Variants in ATP6V1C2 observed in about 807,000 individuals in gnomAD.
The protein encoded by ATP6V1C2 is ATPase H+ transporting V1 subunit C2, also known as V-type proton ATPase subunit C 2.
ATP6V1C2 carries 45 observed loss-of-function variants against 56.8 expected under a neutral mutation model. That is an observed-to-expected ratio of 0.79 (90% CI 0.62 to 1.02). ATP6V1C2 has a LOEUF of 1.02. Among genes scored for constraint, ATP6V1C2 ranks in the 50% least tolerant of loss-of-function variants. The pLI is 0.00. For missense variants in ATP6V1C2, 463 were observed against 519.7 expected, an observed-to-expected ratio of 0.89 and a Z score of 1.06; for synonymous variants, 220 against 201.3, an observed-to-expected ratio of 1.09 and a Z score of -0.79.
intron 3 of ATP6V1C2, among the ~76,000 whole-genome samples, chr2:10,728,619 A>G (rs1661778493): frequency 6.6e-6 from 1 of 152,086 alleles, no homozygotes; most frequent in African/African-American, 2.4e-5. Context: ...TATTAAAAAT[A>G]CAAAACATTA....
At chr2:10,764,949 C>A (rs935798083) in intron 5 of ATP6V1C2, among the ~76,000 whole-genome samples, 1 of 150,176 alleles carries the variant, frequency 6.7e-6, no homozygotes, top group Non-Finnish European at 1.5e-5. Flanking sequence ...CCAGCTTGGG[C>A]AACAGAATGA....
chr2:10,761,767 C>T (rs1309690749), intron 4 of ATP6V1C2, among the ~76,000 whole-genome samples: 2 of 152,214 alleles, frequency 1.3e-5, no homozygotes, highest in Non-Finnish European at 2.9e-5. Context: ...TATATGGCCT[C>T]GAATCCTATT....
intron 2 of ATP6V1C2, among the ~76,000 whole-genome samples, chr2:10,724,653 G>A (rs909252117): frequency 2.7e-5 from 4 of 150,100 alleles, no homozygotes; most frequent in Non-Finnish European, 5.9e-5. Flanking sequence ...GAGATATTCA[G>A]GCTTCATCAT....
At chr2:10,729,584 C>T (rs560822307) in intron 3 of ATP6V1C2, among the ~76,000 whole-genome samples, 5 of 152,116 alleles carry the variant, frequency 3.3e-5, no homozygotes, top group South Asian at 2.1e-4. Flanking sequence ...GGCTGGGTGC[C>T]GTGGTTCACG....
At chr2:10,738,378 C>G (rs1174449496) in intron 3 of ATP6V1C2, among the ~76,000 whole-genome samples, 1 of 152,170 alleles carries the variant, frequency 6.6e-6, no homozygotes, top group Non-Finnish European at 1.5e-5. Flanking sequence ...AGAAGTCCAG[C>G]CAGCAGGGGA....
intron 2 of ATP6V1C2, among the ~76,000 whole-genome samples, chr2:10,723,824 C>T (rs1156517012): frequency 1.6e-5 from 2 of 126,684 alleles, no homozygotes; most frequent in African/African-American, 2.9e-5. Context: ...GGGTGAACGG[C>T]GAGACTCTGT....
At chr2:10,744,184 G>A (rs1662732983) in intron 3 of ATP6V1C2, 1 of 151,928 alleles carries the variant, frequency 6.6e-6, no homozygotes, top group South Asian at 2.1e-4. Flanking sequence ...CTGTCTCGAA[G>A]GAAACAATAC....
intron 3 of ATP6V1C2, among the ~76,000 whole-genome samples, chr2:10,736,831 C>T (rs1380744257): frequency 1.7e-4 from 22 of 132,344 alleles, no homozygotes; most frequent in African/African-American, 4.9e-4. Context: ...CTGACAAGCT[C>T]GAACTCCTGG....
In ATP6V1C2 at chr2:10,770,942, C is replaced by G. The variant is rs568255129; in HGVS notation, c.471-897C>G. Among the ~76,000 whole-genome samples the G allele has an allele frequency of 9.2e-5, 14 of 152,268 alleles. No homozygotes were observed. The South Asian group carries it at 2.7e-3, about 29-fold the overall frequency. ...CAACAAACGTGTGGAAAGTTGGCTT[C>G]GTGTTGGGGATTCAGAGGTGAGCCA... is the stretch of plus-strand genomic sequence containing the variant. On this transcript the variant is annotated intron_variant, in intron 6 of 13. Transcript: ENST00000272238.
At chr2:10,747,523 T>C (rs1662986359) in intron 3 of ATP6V1C2, among the ~76,000 whole-genome samples, 2 of 152,154 alleles carry the variant, frequency 1.3e-5, no homozygotes, top group African/African-American at 4.8e-5. Context: ...ATACTGGTAC[T>C]CGGTCTACAG....
At chr2:10,754,642 G>A (rs539804839) in intron 4 of ATP6V1C2, among the ~76,000 whole-genome samples, 161 of 151,200 alleles carry the variant, frequency 1.1e-3, no homozygotes, top group African/African-American at 3.7e-3. Context: ...GCGCAATCTC[G>A]GCTCACTGCA....
chr2:10,733,822 C>CCTGTCGTTGCTTGCCCCTGAGTGCTTCCT (rs1167920409), intron 3 of ATP6V1C2, among the ~76,000 whole-genome samples: 1 of 152,000 alleles, frequency 6.6e-6, no homozygotes, highest in African/African-American at 2.4e-5. Context: ...AAGTGCTTCC[C>CCTGTCGTTGCTTGCCCCTGAGTGCTTCCT]CTGTCGTTGC....
intron 7 of ATP6V1C2, among the ~76,000 whole-genome samples, chr2:10,772,263 C>T (rs1046656831): frequency 1.3e-5 from 2 of 152,190 alleles, no homozygotes; most frequent in Middle Eastern, 3.2e-3. Context: ...GGTCGGTTAG[C>T]TTGTCCAAGG....
intron 5 of ATP6V1C2, among the ~76,000 whole-genome samples, chr2:10,765,661 C>G (rs948642161): frequency 6.6e-6 from 1 of 152,238 alleles, no homozygotes; most frequent in Non-Finnish European, 1.5e-5. Context: ...TTCTGGAAGG[C>G]CCTTCAAGGA....
intron 3 of ATP6V1C2, among the ~76,000 whole-genome samples, chr2:10,729,261 T>G (rs1263077383): frequency 6.6e-6 from 1 of 151,296 alleles, no homozygotes; most frequent in Non-Finnish European, 1.5e-5. Flanking sequence ...GCCTCCCAAG[T>G]TGAAGCAATC....
In ATP6V1C2 at chr2:10,763,598, A is replaced by G. The variant is rs764029144; in HGVS notation, c.284-733A>G. Among the ~76,000 whole-genome samples the G allele has an allele frequency of 6.6e-6, 1 of 152,166 alleles. No individual in the cohort carries two copies. Among genetic ancestry groups the G allele is most frequent in the Non-Finnish European group, 1.5e-5 (1 of 68,016 alleles). ...ATGGGAAGGGCCCTCTGCCAGGGGC[A>G]CAGGAATTCCAGGGGCCACCGTGGC... is the stretch of plus-strand genomic sequence containing the variant. On this transcript the variant is annotated intron_variant, in intron 4 of 13. Coordinates refer to ENST00000272238, the MANE Select transcript of ATP6V1C2 (RefSeq NM_001039362.2). The surrounding 1 kb of genome is among the most constrained non-coding windows in gnomAD (Gnocchi z 4.2).
chr2:10,731,790 A>T (rs1279491886), intron 3 of ATP6V1C2, among the ~76,000 whole-genome samples: 5 of 152,028 alleles, frequency 3.3e-5, no homozygotes, highest in Admixed American at 3.3e-4. Flanking sequence ...CCTGGGTGAC[A>T]TGGTGAAACC....
chr2:10,777,209 G>C (rs1260236794), intron 10 of ATP6V1C2, among the ~76,000 whole-genome samples: 1 of 152,240 alleles, frequency 6.6e-6, no homozygotes, highest in African/African-American at 2.4e-5. Context: ...GGCTGGGCAT[G>C]GTGGAGCCAC....
At chr2:10,766,099 C>T (rs943040655) in intron 5 of ATP6V1C2, among the ~76,000 whole-genome samples, 1 of 152,130 alleles carries the variant, frequency 6.6e-6, no homozygotes, top group Non-Finnish European at 1.5e-5. Context: ...AGTATTATGC[C>T]GGGATGGGGA....
Sources: allele counts gnomAD v4.1 joint callset (sites outside exome capture counted in the v4.1 genomes callset), GRCh38; gene constraint gnomAD v4.1.1; non-coding constraint Gnocchi (gnomAD v3.1); transcripts MANE v1.5; gene names NCBI Gene and HGNC (gene_info 2026-07-23, HGNC 2026-07-21).